UGP2: variants seen among roughly 807,000 people sequenced by gnomAD.
The protein encoded by UGP2 is UDP-glucose pyrophosphorylase 2, also known as UTP--glucose-1-phosphate uridylyltransferase.
In UGP2, 40 loss-of-function variants were observed where a neutral mutation model predicts 49.0. The observed-to-expected ratio is 0.82, with a 90% CI of 0.63 to 1.06. UGP2 has a LOEUF of 1.06. Among genes scored for constraint, UGP2 ranks in the 50% least tolerant of loss-of-function variants. UGP2 has a pLI of 0.00. For missense variants in UGP2, 460 were observed against 603.5 expected, an observed-to-expected ratio of 0.76 and a Z score of 2.49; for synonymous variants, 225 against 213.0, an observed-to-expected ratio of 1.06 and a Z score of -0.49.
At chr2:63,861,805 G>C (rs1307984916) in intron 3 of UGP2, among the ~76,000 whole-genome samples, 1 of 151,828 alleles carries the variant, frequency 6.6e-6, no homozygotes, top group Non-Finnish European at 1.5e-5. Flanking sequence ...GTAGAGAATT[G>C]GCATGAAGAG....
chr2:63,865,072 C>G (rs1243930848), intron 3 of UGP2, among the ~76,000 whole-genome samples: 1 of 152,206 alleles, frequency 6.6e-6, no homozygotes, highest in Admixed American at 6.5e-5. Flanking sequence ...TCTGATTTAT[C>G]TGTAGTCACT....
intron 3 of UGP2, among the ~76,000 whole-genome samples, chr2:63,876,549 C>T (rs1418311587): frequency 2.6e-5 from 4 of 152,196 alleles, no homozygotes; most frequent in South Asian, 2.1e-4. Context: ...ACAAATTCCT[C>T]GGCAGGACCT....
intron 2 of UGP2, chr2:63,856,876 T>C (rs954302397): frequency 2.2e-6 from 1 of 453,518 alleles, no homozygotes; most frequent in African/African-American, 2.0e-5. Flanking sequence ...TACTTGTAAA[T>C]CAATAGGTTA....
intron 1 of UGP2, among the ~76,000 whole-genome samples, chr2:63,846,891 A>G (rs1026289269): frequency 6.6e-6 from 1 of 152,206 alleles, no homozygotes; most frequent in African/African-American, 2.4e-5. Flanking sequence ...GATCTGATTT[A>G]AGATTTATTA....
chr2:63,862,583 T>C (rs1669923309), intron 3 of UGP2, among the ~76,000 whole-genome samples: 1 of 152,144 alleles, frequency 6.6e-6, no homozygotes, highest in Non-Finnish European at 1.5e-5. Context: ...GGAACTTTAA[T>C]GGCAGTTACA....
chr2:63,872,956 T>C (rs1359828877), intron 3 of UGP2, among the ~76,000 whole-genome samples: 1 of 151,776 alleles, frequency 6.6e-6, no homozygotes, highest in East Asian at 1.9e-4. Flanking sequence ...AGGAGGAGAG[T>C]GAGCTCCACG....
chr2:63,891,311 T>C lies in UGP2; in HGVS notation c.*84T>C. The C allele has an allele frequency of 1.7e-6, 2 of 1,164,432 alleles. No individual in the cohort carries two copies. The highest frequency in any genetic ancestry group is 2.4e-5 in the East Asian group (1 of 41,460). The allele number at this position is 1,164,432 out of a possible 1,614,324, so 72.1% of individuals were successfully genotyped here. On this transcript the variant is annotated 3_prime_UTR_variant, in exon 10 of 10. Transcript: ENST00000337130. Reference sequence around the variant, plus strand: ...CTAGGATTCTAAAATAGGCAGGTACTTTACTATGTTACTGTACCCTGCAGT... The same window carrying C: ...CTAGGATTCTAAAATAGGCAGGTACCTTACTATGTTACTGTACCCTGCAGT...
At chr2:63,876,601 A>C (rs1337553187) in intron 3 of UGP2, among the ~76,000 whole-genome samples, 1 of 152,250 alleles carries the variant, frequency 6.6e-6, no homozygotes, top group Non-Finnish European at 1.5e-5. Context: ...ATAGCAAGAC[A>C]AGAAGGTATT....
chr2:63,856,331 T>C lies in UGP2; in HGVS notation c.45T>C (p.Asp15=). 1 of 1,613,786 alleles carries C rather than the reference T, an allele frequency of 6.2e-7. No homozygotes were observed. Among genetic ancestry groups the C allele is most frequent in the Non-Finnish European group, 8.5e-7 (1 of 1,179,950 alleles). ...VQDLSKAMSQ[D]GASQFQEVIR... is the part of the protein sequence containing the mutation. ...ATCTTAGCAAAGCAATGTCTCAAGA[T>C]GGTGCTTCTCAGTTCCAAGAAGTCA... Residue 15 remains aspartate (D), a synonymous_variant, in exon 2 of 10, where the codon GAT becomes GAC. Transcript: ENST00000337130.
intron 3 of UGP2, among the ~76,000 whole-genome samples, chr2:63,871,772 T>TAG (rs1008935981): frequency 2.0e-5 from 3 of 152,204 alleles, no homozygotes; most frequent in Non-Finnish European, 2.9e-5. Context: ...TAGCCTTAGT[T>TAG]AGAGAGACCC....
rs528966512 is a variant in UGP2 at position 63,884,993 on chromosome 2, CTTTTTTTTTTTTT to C, written c.576-579_576-567del. Among the ~76,000 whole-genome samples, 43 of 23,152 alleles carry C rather than the reference CTTTTTTTTTTTTT, an allele frequency of 1.9e-3. 1 individual carries two copies. Among genetic ancestry groups the C allele is most frequent in the South Asian group, 6.4e-3 (3 of 470 alleles). 15.2% of individuals were successfully genotyped at this position (23,152 alleles called of 152,430 possible). On this transcript the variant is annotated intron_variant, in intron 5 of 9. Transcript: ENST00000337130. Reference sequence around the variant, plus strand: ...TTTTAAGATCTATTTCCCATGGTTACTTTTTTTTTTTTTTTTTTTTTTTTTTTTTACTTTGCAG... The same window carrying C: ...TTTTAAGATCTATTTCCCATGGTTACTTTTTTTTTTTTTTTTACTTTGCAG...
At chr2:63,861,424 G>T (rs572251090) in intron 3 of UGP2, among the ~76,000 whole-genome samples, 71 of 152,052 alleles carry the variant, frequency 4.7e-4, no homozygotes, top group African/African-American at 1.7e-3. Flanking sequence ...CACATGGCTG[G>T]CACTGACCCC....
chr2:63,876,488 G>A (rs1441791068), intron 3 of UGP2, among the ~76,000 whole-genome samples: 1 of 152,188 alleles, frequency 6.6e-6, no homozygotes, highest in Admixed American at 6.5e-5. Flanking sequence ...TTCATACGCT[G>A]TTACTTCTTT....
In UGP2 at chr2:63,886,359, T is replaced by C. The variant is rs1575856192; in HGVS notation, c.892T>C (p.Tyr298His). ...ADVKGGTLTQ[Y>H]EGKLRLVEIA... ...TTTCTAGGGCGGGACACTCACTCAA[T>C]ATGAAGGCAAACTGAGACTGGTGGA... The change falls in exon 7 of 10, where the codon TAT becomes CAT. Residue 298 changes from tyrosine to histidine, a missense_variant. Tyr to His is a moderately conservative substitution (Grantham distance 83, BLOSUM62 2). Coordinates refer to ENST00000337130, the MANE Select transcript of UGP2 (RefSeq NM_006759.4). 6.2e-7 allele frequency: 1 copy of C among 1,614,194 alleles called. No individual in the cohort carries two copies. The highest frequency in any genetic ancestry group is 1.3e-5 in the African/African-American group (1 of 75,052).
chr2:63,842,164 A>C lies in UGP2; in HGVS notation c.-22A>C. The C allele has an allele frequency of 1.3e-6, 2 of 1,573,430 alleles. No homozygotes were observed. Among genetic ancestry groups the C allele is most frequent in the Non-Finnish European group, 1.7e-6 (2 of 1,169,018 alleles). ...TCTAGAAAAAAAAAAAAAAAGCCGG[A>C]GTATTTTACTAAGCCCCTAAAATGT... On this transcript the variant is annotated 5_prime_UTR_variant, in exon 1 of 10. Transcript: ENST00000337130.
intron 1 of UGP2, among the ~76,000 whole-genome samples, chr2:63,849,758 A>G (rs1668918747): frequency 6.6e-6 from 1 of 152,232 alleles, no homozygotes; most frequent in Admixed American, 6.5e-5. Context: ...ACAGGGCGCC[A>G]GGCAACAGGG....
intron 1 of UGP2, chr2:63,842,737 G>C: frequency 1.3e-6 from 1 of 763,606 alleles, no homozygotes. Context: ...ATTTCAGCTG[G>C]AGAAATGACT....
At chr2:63,887,158 G>A (rs1671737357) in intron 7 of UGP2, among the ~76,000 whole-genome samples, 1 of 152,056 alleles carries the variant, frequency 6.6e-6, no homozygotes, top group Middle Eastern at 3.4e-3. Context: ...CAGCTACTCG[G>A]GAAGCTGAGG....
intron 9 of UGP2, among the ~76,000 whole-genome samples, chr2:63,890,515 TAGG>T (rs1672042078): frequency 1.3e-5 from 2 of 152,062 alleles, no homozygotes; most frequent in South Asian, 2.1e-4. Context: ...ACGTAAGAAA[TAGG>T]AGGGAAACGG....
Sources: gnomAD v4.1 joint callset for allele counts (sites outside exome capture counted in the v4.1 genomes callset) on GRCh38, gnomAD v4.1.1 for gene constraint, MANE v1.5 for transcripts, NCBI Gene and HGNC (gene_info 2026-07-23, HGNC 2026-07-21) for gene names.